The following KIF27 variants were observed in gnomAD, a reference collection of about 807,000 sequenced individuals.
The protein encoded by KIF27 is kinesin-like protein KIF27.
KIF27 carries 84 observed loss-of-function variants against 141.8 expected under a neutral mutation model. That is an observed-to-expected ratio of 0.59 (90% confidence interval 0.50 to 0.71). The LOEUF (loss-of-function observed/expected upper bound fraction) is 0.71. KIF27 is among the 30% of genes least tolerant of loss of function. KIF27 has a pLI of 0.00. For synonymous variants in KIF27, 471 were observed against 569.5 expected, an observed-to-expected ratio of 0.83 and a Z score of 2.46; for missense variants, 1,306 against 1,628.4, an observed-to-expected ratio of 0.80 and a Z score of 3.41.
At chr9:83,905,617 A>G (rs1011741113) in intron 3 of KIF27, among the ~76,000 whole-genome samples, 1 of 152,232 alleles carries the variant, frequency 6.6e-6, no homozygotes. Context: ...CAGTTCATTT[A>G]AAGTCCTGTA....
At chr9:83,865,304 C>T (rs893835410) in intron 13 of KIF27, among the ~76,000 whole-genome samples, 12 of 152,038 alleles carry the variant, frequency 7.9e-5, no homozygotes, top group African/African-American at 2.9e-4. Flanking sequence ...TATCCTCTGA[C>T]CCTTTTTTTT....
chr9:83,892,278 A>C (rs937959406), intron 5 of KIF27, among the ~76,000 whole-genome samples: 1 of 152,230 alleles, frequency 6.6e-6, no homozygotes, highest in Non-Finnish European at 1.5e-5. Flanking sequence ...AATGCTGAGC[A>C]ATAAAAATGC....
At chr9:83,891,553 AG>A (rs1434472656) in intron 5 of KIF27, 52 bp from the exon 6 acceptor site, 11 of 1,475,830 alleles carry the variant, frequency 7.5e-6, no homozygotes, top group Admixed American at 6.9e-5. Flanking sequence ...CAGTACATTT[AG>A]ATTATGATTA....
rs1255349510 is a variant in KIF27, at chr9:83,863,400, T to G, written c.2935-4029A>C. On this transcript the variant is annotated intron_variant, in intron 13 of 17. Transcript: ENST00000297814. Reference sequence around the variant, plus strand: ...TTTACCATGAAGGGCTGTTGAATTTTGTCAAAGGCCTTTTCTGCATCTATT... The same window carrying G: ...TTTACCATGAAGGGCTGTTGAATTTGGTCAAAGGCCTTTTCTGCATCTATT... Among the ~76,000 whole-genome samples, 4 of 152,226 alleles carry G rather than the reference T, an allele frequency of 2.6e-5. No homozygotes were observed. The East Asian group carries it at 7.7e-4, about 29-fold the overall frequency.
Position 83,836,264 on chromosome 9 carries a change from A to C in KIF27, c.*737T>G, listed in dbSNP as rs1231203174. Among the ~76,000 whole-genome samples the C allele has an allele frequency of 6.6e-6, 1 of 152,164 alleles. No individual in the cohort carries two copies. The highest frequency in any genetic ancestry group is 2.4e-5 in the African/African-American group (1 of 41,464). On this transcript the variant is annotated 3_prime_UTR_variant, in exon 18 of 18. Coordinates refer to ENST00000297814, the MANE Select transcript of KIF27 (RefSeq NM_017576.4). ...TGTTAGAATGCTTTAGTTTTATTCT[A>C]TAATTTCCGTGTTCCATGGAACAGC...
chr9:83,891,035 T>C (rs1206149447), intron 6 of KIF27, among the ~76,000 whole-genome samples: 1 of 152,198 alleles, frequency 6.6e-6, no homozygotes, highest in Non-Finnish European at 1.5e-5. Flanking sequence ...TGTCTGAAAA[T>C]ATGGCAAAGG....
intron 11 of KIF27, among the ~76,000 whole-genome samples, chr9:83,879,791 T>C (rs10123966): frequency 0.34 from 51,359 of 152,012 alleles, 9,979 homozygotes; most frequent in African/African-American, 0.54. Context: ...GATAGCCTGG[T>C]CAAAGAGCCT....
At chr9:83,901,406 A>G (rs1458939049) in intron 4 of KIF27, among the ~76,000 whole-genome samples, 1 of 152,206 alleles carries the variant, frequency 6.6e-6, no homozygotes, top group Non-Finnish European at 1.5e-5. Context: ...TCAGTGAAAT[A>G]CTTCTCCCTT....
rs1954119190 is a variant in KIF27, at chr9:83,903,235, G to GT, written c.1282dup (p.Thr428AsnfsTer17). On this transcript the variant is annotated frameshift_variant, in exon 4 of 18. Coordinates refer to ENST00000297814, the MANE Select transcript of KIF27 (RefSeq NM_017576.4). LOFTEE classifies it high-confidence loss of function. ...TTGCTGCTTTTCGTTTAGTCTGACA[G>GT]TATCTTTTAGGTCAACCAGGAAGGT... The GT allele has an allele frequency of 6.2e-7, 1 of 1,614,106 alleles. No homozygotes were observed. Among genetic ancestry groups the GT allele is most frequent in the Non-Finnish European group, 8.5e-7 (1 of 1,180,024 alleles).
In KIF27 at chr9:83,883,912, T is replaced by C; in HGVS notation, c.2346A>G (p.Leu782=). The change falls in exon 10 of 18, where the codon CTA becomes CTG. Residue 782 remains leucine (L), a synonymous_variant. Transcript: ENST00000297814. ...KVELIETQKQ[L]QELENKDLSD... ...AAAGATCTTTGTTTTCCAGCTCCTG[T>C]AGCTGCTTTTGTGTTTCAATCAGTT... is the stretch of plus-strand genomic sequence containing the variant. The C allele has an allele frequency of 1.2e-6, 2 of 1,613,448 alleles. No individual in the cohort carries two copies. The highest frequency in any genetic ancestry group is 1.7e-6 in the Non-Finnish European group (2 of 1,179,452).
chr9:83,915,397 T>C lies in KIF27; in HGVS notation c.195A>G (p.Ile65Met). The change falls in exon 2 of 18, where the codon ATA becomes ATG. Residue 65 changes from isoleucine to methionine, a missense_variant. By Grantham distance (10) the Ile-to-Met change is conservative. This residue lies in a region of KIF27 where 533 missense variants were observed against 565.6 expected (regional missense o/e 0.94). Coordinates refer to ENST00000297814, the MANE Select transcript of KIF27 (RefSeq NM_017576.4). Reference sequence around the variant, plus strand: ...CAATGAGTGACAACACTAGGGGCTTTATACATGTGTTATAAACTTCATCTT... The same window carrying C: ...CAATGAGTGACAACACTAGGGGCTTCATACATGTGTTATAAACTTCATCTT... ...STQDEVYNTC[I>M]KPLVLSLIEG... 2 of 1,613,894 alleles carry C rather than the reference T, an allele frequency of 1.2e-6. No individual in the cohort carries two copies. The highest frequency in any genetic ancestry group is 1.7e-6 in the Non-Finnish European group (2 of 1,179,826).
chr9:83,867,624 C>T (rs1950477907), intron 13 of KIF27, 60 bp downstream of exon 13: 1 of 1,488,300 alleles, frequency 6.7e-7, no homozygotes, highest in South Asian at 1.5e-5. Flanking sequence ...TTATAGCCAT[C>T]CTAGTGGGGA....
At chr9:83,912,314 C>G (rs1367687285) in intron 2 of KIF27, among the ~76,000 whole-genome samples, 2 of 152,220 alleles carry the variant, frequency 1.3e-5, no homozygotes, top group East Asian at 3.9e-4. Flanking sequence ...TTCTGAAAAT[C>G]CGAGTTTCCA....
At chr9:83,839,335 G>A (rs1411753305) in intron 17 of KIF27, among the ~76,000 whole-genome samples, 2 of 152,156 alleles carry the variant, frequency 1.3e-5, no homozygotes, top group African/African-American at 4.8e-5. Flanking sequence ...TGAGGGAACC[G>A]ACTAGGGAAA....
chr9:83,867,138 A>G (rs1180744419), intron 13 of KIF27, among the ~76,000 whole-genome samples: 1 of 152,060 alleles, frequency 6.6e-6, no homozygotes, highest in African/African-American at 2.4e-5. Context: ...TCTTTCACTT[A>G]ACATAGGTTT....
chr9:83,848,578 A>G (rs1292085061), intron 16 of KIF27: 1 of 146,930 alleles, frequency 6.8e-6, no homozygotes, highest in Non-Finnish European at 1.5e-5. Flanking sequence ...ATCTATATAT[A>G]TCATATATGC....
At chr9:83,848,977 T>C (rs1948211625) in intron 16 of KIF27, 1 of 152,086 alleles carries the variant, frequency 6.6e-6, no homozygotes, top group South Asian at 2.1e-4. Flanking sequence ...CACGCTTGGC[T>C]AGTTTTCTGT....
chr9:83,857,515 T>C (rs1216393996), intron 14 of KIF27, among the ~76,000 whole-genome samples: 1 of 152,176 alleles, frequency 6.6e-6, no homozygotes, highest in Non-Finnish European at 1.5e-5. Context: ...CAGTCCAGAA[T>C]AGCCGCAAAA....
intron 10 of KIF27, 46 bp downstream of exon 10, chr9:83,883,767 G>C (rs1951862871): frequency 6.0e-6 from 8 of 1,329,968 alleles, no homozygotes; most frequent in Non-Finnish European, 8.5e-6. Context: ...ATCCTCAGAA[G>C]CAAGAAAGCT....
Sources: allele counts gnomAD v4.1 joint callset (sites outside exome capture counted in the v4.1 genomes callset), GRCh38; gene constraint gnomAD v4.1.1; regional missense constraint gnomAD v4.1.1; transcripts MANE v1.5; gene names NCBI Gene and HGNC (gene_info 2026-07-23, HGNC 2026-07-21).